The following ZDHHC11 variants were observed in gnomAD, a reference collection of about 807,000 sequenced individuals.
ZDHHC11 encodes palmitoyltransferase ZDHHC11.
ZDHHC11 carries 44 observed loss-of-function variants against 51.3 expected under a neutral mutation model. The ratio of observed to expected loss-of-function variants is 0.86; its 90% confidence interval spans 0.67 to 1.10. The LOEUF (loss-of-function observed/expected upper bound fraction) is 1.10. Among genes scored for constraint, ZDHHC11 ranks in the 50% least tolerant of loss-of-function variants. The probability of loss-of-function intolerance (pLI) is 0.00; values close to 1 mark genes in which losing one functional copy is unlikely to be tolerated. For synonymous variants in ZDHHC11, 163 were observed against 222.0 expected, an observed-to-expected ratio of 0.73 and a Z score of 2.36; for missense variants, 400 against 537.7, an observed-to-expected ratio of 0.74 and a Z score of 2.53.
At chr5:858,371 C>CAGGCCCCTAGA (rs1748578743) in intron 1 of ZDHHC11, among the ~76,000 whole-genome samples, 7 of 143,366 alleles carry the variant, frequency 4.9e-5, no homozygotes, top group Non-Finnish European at 7.5e-5. Context: ...TTTATGACAC[C>CAGGCCCCTAGA]GTGGTCCCCC....
chr5:846,287 C>T (rs1181071257), intron 3 of ZDHHC11, among the ~76,000 whole-genome samples: 18 of 151,148 alleles, frequency 1.2e-4, no homozygotes, highest in South Asian at 4.2e-4. Context: ...CACCAGGCAA[C>T]GTTGGTCCCC....
chr5:836,134 G>T (rs2150374901), intron 6 of ZDHHC11, among the ~76,000 whole-genome samples: 1 of 150,320 alleles, frequency 6.7e-6, no homozygotes, highest in East Asian at 1.9e-4. Context: ...CCAAGAGAGG[G>T]TCACAAGCCT....
chr5:849,972 G>A (rs951552292), intron 1 of ZDHHC11, among the ~76,000 whole-genome samples: 3 of 152,248 alleles, frequency 2.0e-5, no homozygotes, highest in African/African-American at 7.2e-5. Context: ...TGTGGCCTAA[G>A]CTTGGCATGG....
At chr5:844,732 C>T (rs1395634335) in intron 3 of ZDHHC11, among the ~76,000 whole-genome samples, 9 of 152,420 alleles carry the variant, frequency 5.9e-5, no homozygotes, top group Non-Finnish European at 1.0e-4. Context: ...GGCCACACCT[C>T]GGCTGCAGTC....
At chr5:817,766 T>C (rs1281158535) in intron 10 of ZDHHC11, among the ~76,000 whole-genome samples, 14 of 151,268 alleles carry the variant, frequency 9.3e-5, no homozygotes, top group African/African-American at 2.9e-4. Context: ...TGTCTCCCCA[T>C]TGCCTCACCT....
At chr5:853,673 G>A (rs1236481019), upstream of ZDHHC11, among the ~76,000 whole-genome samples, 16 of 150,740 alleles carry the variant, frequency 1.1e-4, no homozygotes, top group East Asian at 2.0e-4. Context: ...AGCGAGCCAC[G>A]GGGACAGACC....
In ZDHHC11 at chr5:850,798, C is replaced by T. The variant is rs1747096419; in HGVS notation, c.-196G>A. ...GGCTGGAGTCGGTGCAGGGCCCCGC[C>T]CAGGGGAATGAACAGACATGCTGCA... On this transcript the variant is annotated 5_prime_UTR_variant, in exon 1 of 13. Coordinates refer to ENST00000283441, the MANE Select transcript of ZDHHC11 (RefSeq NM_024786.3). The T allele has an allele frequency of 8.9e-6, 6 of 673,068 alleles. No individual in the cohort carries two copies. The Admixed American group carries it at 1.8e-4, about 20-fold the overall frequency. 41.7% of individuals were successfully genotyped at this position (673,068 alleles called of 1,614,324 possible).
At chr5:821,743 T>C in intron 9 of ZDHHC11, 118 bp downstream of exon 9, 1 of 1,071,178 alleles carries the variant, frequency 9.3e-7, no homozygotes, top group East Asian at 2.6e-5. Flanking sequence ...CTCCTGGCAC[T>C]TCAGGATATT....
At chr5:844,107 T>TGAGA (rs768041769) in intron 3 of ZDHHC11, among the ~76,000 whole-genome samples, 1,581 of 150,908 alleles carry the variant, frequency 0.01, 35 homozygotes, top group African/African-American at 0.036. Flanking sequence ...GGCGTCCACT[T>TGAGA]GAGGGCGCCT....
intron 9 of ZDHHC11, chr5:821,002 A>T (rs1175169394): frequency 6.6e-6 from 1 of 151,422 alleles, no homozygotes; most frequent in South Asian, 2.1e-4. Context: ...AATATTTAAT[A>T]CATGAGGTGA....
At chr5:860,286 C>T (rs570393354), upstream of ZDHHC11, among the ~76,000 whole-genome samples, 17 of 152,306 alleles carry the variant, frequency 1.1e-4, no homozygotes, top group East Asian at 2.7e-3. The surrounding 1 kb of genome is among the most constrained non-coding windows in gnomAD (Gnocchi z 4.2). Flanking sequence ...CTAAGGGTGA[C>T]GGCAGGTCCC....
At chr5:857,718 CCT>C (rs1287011259) in intron 1 of ZDHHC11, among the ~76,000 whole-genome samples, 32 of 151,520 alleles carry the variant, frequency 2.1e-4, no homozygotes, top group Admixed American at 1.8e-3. Flanking sequence ...ACCATGGTCC[CCT>C]GAGTCTGTCT....
At chr5:857,854 G>T (rs994094025) in intron 1 of ZDHHC11, among the ~76,000 whole-genome samples, 2 of 148,166 alleles carry the variant, frequency 1.3e-5, no homozygotes, top group Admixed American at 6.7e-5. Flanking sequence ...ATGACACCAG[G>T]CCCCCAGAGT....
At position 850,204 on chromosome 5, in the gene ZDHHC11, G is replaced by A. The variant is rs948559764; in HGVS notation, c.222+177C>T. On this transcript the variant is annotated intron_variant, in intron 1 of 12. Coordinates refer to ENST00000283441, the MANE Select transcript of ZDHHC11 (RefSeq NM_024786.3). ...CTGTCCTGTCCTGACCCTAAGCAGGGGCTGCACAGAGCATGAGTGGCCACT... is the reference window on the plus strand; with the variant it reads ...CTGTCCTGTCCTGACCCTAAGCAGGAGCTGCACAGAGCATGAGTGGCCACT... 16 of 702,910 alleles carry A rather than the reference G, an allele frequency of 2.3e-5. No homozygotes were observed. In the African/African-American group the frequency reaches 2.5e-4, roughly 11 times the overall value. The allele number at this position is 702,910 out of a possible 1,614,324, so 43.5% of individuals were successfully genotyped here. A position where few individuals can be genotyped will look rare whatever the true frequency, so the allele number is the denominator to read the frequency against.
At chr5:841,157 C>G in intron 4 of ZDHHC11, 4 of 1,033,316 alleles carry the variant, frequency 3.9e-6, no homozygotes, top group Non-Finnish European at 4.7e-6. Context: ...GGTCACAGTG[C>G]CCACCCCTTC....
At chr5:851,943 C>A (rs13357607), upstream of ZDHHC11, among the ~76,000 whole-genome samples, 2,848 of 152,054 alleles carry the variant, frequency 0.019, 88 homozygotes, top group African/African-American at 0.065. Flanking sequence ...CTAATCCCAG[C>A]TACTCGGGAG....
At chr5:818,930 C>A (rs1416928114) in intron 10 of ZDHHC11, among the ~76,000 whole-genome samples, 2 of 151,480 alleles carry the variant, frequency 1.3e-5, no homozygotes, top group Non-Finnish European at 3.0e-5. Context: ...AAATATGTGG[C>A]CCTAAAGCCG....
chr5:799,797 C>G (rs1169319064), intron 12 of ZDHHC11, among the ~76,000 whole-genome samples: 1 of 151,666 alleles, frequency 6.6e-6, no homozygotes, highest in African/African-American at 2.4e-5. Flanking sequence ...TTTACTTCTT[C>G]TTTCCTTGAA....
intron 11 of ZDHHC11, among the ~76,000 whole-genome samples, chr5:808,598 C>T (rs1452721232): frequency 2.0e-5 from 3 of 148,918 alleles, no homozygotes; most frequent in South Asian, 2.2e-4. Flanking sequence ...TGCAGTGGCA[C>T]GATCTTGGTT....
Sources: gnomAD v4.1 joint callset for allele counts (sites outside exome capture counted in the v4.1 genomes callset) on GRCh38, gnomAD v4.1.1 for gene constraint, Gnocchi (gnomAD v3.1) non-coding constraint, MANE v1.5 for transcripts, NCBI Gene and HGNC (gene_info 2026-07-23, HGNC 2026-07-21) for gene names.